Variants in SLC17A8 observed in about 807,000 individuals in gnomAD.
The protein encoded by SLC17A8 is solute carrier family 17 member 8.
In SLC17A8, 31 loss-of-function variants were observed where a neutral mutation model predicts 58.0. The observed-to-expected ratio is 0.53, with a 90% CI of 0.40 to 0.72. The LOEUF (loss-of-function observed/expected upper bound fraction) is 0.72. Ranked by LOEUF, SLC17A8 falls within the 30% of genes least tolerant of loss-of-function variation. SLC17A8 has a pLI of 0.00. For synonymous variants in SLC17A8, 228 were observed against 249.0 expected, an observed-to-expected ratio of 0.92 and a Z score of 0.79; for missense variants, 655 against 727.8, an observed-to-expected ratio of 0.90 and a Z score of 1.15.
chr12:100,395,974 C>T (rs7971272), intron 4 of SLC17A8, among the ~76,000 whole-genome samples: 2 of 152,204 alleles, frequency 1.3e-5, no homozygotes, highest in Non-Finnish European at 2.9e-5. Flanking sequence ...GCTGGCAGAT[C>T]GGTGACTTGG....
At chr12:100,409,292 T>A (rs1952850056) in intron 9 of SLC17A8, among the ~76,000 whole-genome samples, 1 of 152,102 alleles carries the variant, frequency 6.6e-6, no homozygotes, top group Non-Finnish European at 1.5e-5. Flanking sequence ...TTCAAGTGAT[T>A]CTCCCGCCTC....
At chr12:100,397,711 G>A (rs1018330128) in intron 5 of SLC17A8, among the ~76,000 whole-genome samples, 3 of 152,168 alleles carry the variant, frequency 2.0e-5, no homozygotes, top group Non-Finnish European at 4.4e-5. Context: ...GGGAGGCTGA[G>A]GTGGAGGATT....
chr12:100,393,064 G>C (rs555063036), intron 3 of SLC17A8, among the ~76,000 whole-genome samples: 8 of 152,268 alleles, frequency 5.3e-5, no homozygotes, highest in African/African-American at 1.7e-4. Context: ...AGTCTAGCTT[G>C]GGGTGCACTA....
chr12:100,376,166 A>G (rs1387106579), intron 1 of SLC17A8, among the ~76,000 whole-genome samples: 1 of 152,204 alleles, frequency 6.6e-6, no homozygotes, highest in Non-Finnish European at 1.5e-5. Flanking sequence ...TGAAACCTGG[A>G]TCTCAGATTT....
At chr12:100,407,910 T>C (rs1952838351) in intron 9 of SLC17A8, among the ~76,000 whole-genome samples, 1 of 152,208 alleles carries the variant, frequency 6.6e-6, no homozygotes, top group African/African-American at 2.4e-5. Flanking sequence ...CCGGCCATTC[T>C]TTTATATTTT....
intron 8 of SLC17A8, among the ~76,000 whole-genome samples, chr12:100,403,294 C>T (rs1349726023): frequency 2.6e-5 from 4 of 151,756 alleles, no homozygotes; most frequent in Admixed American, 6.6e-5. Context: ...CATGGCAAAA[C>T]CCTGCCTCTA....
chr12:100,365,480 T>G (rs1952513677), intron 1 of SLC17A8, among the ~76,000 whole-genome samples: 1 of 152,194 alleles, frequency 6.6e-6, no homozygotes, highest in African/African-American at 2.4e-5. Flanking sequence ...CATTTTCTTG[T>G]TTTTGGATTT....
At chr12:100,365,705 C>A (rs138740803) in intron 1 of SLC17A8, among the ~76,000 whole-genome samples, 2,420 of 152,282 alleles carry the variant, frequency 0.016, 30 homozygotes, top group Non-Finnish European at 0.024. Context: ...ACTTCGCCCA[C>A]GTGATGGACC....
intron 1 of SLC17A8, among the ~76,000 whole-genome samples, chr12:100,374,922 C>G (rs1302701589): frequency 2.0e-5 from 3 of 151,954 alleles, no homozygotes; most frequent in Non-Finnish European, 2.9e-5. Context: ...TTCAGGTCAG[C>G]CAGCTGTAGG....
At chr12:100,394,080 A>G (rs1952735122) in intron 4 of SLC17A8, among the ~76,000 whole-genome samples, 2 of 152,208 alleles carry the variant, frequency 1.3e-5, no homozygotes, top group African/African-American at 4.8e-5. Flanking sequence ...GTGCCATTAA[A>G]TATTACTCTT....
intron 2 of SLC17A8, among the ~76,000 whole-genome samples, chr12:100,382,243 TC>T (rs1952642963): frequency 6.6e-6 from 1 of 152,188 alleles, no homozygotes; most frequent in South Asian, 2.1e-4. Context: ...TCCAGATTGT[TC>T]ACTGCCCCAT....
chr12:100,416,922 G>A (rs1406408346), intron 10 of SLC17A8, among the ~76,000 whole-genome samples: 1 of 152,186 alleles, frequency 6.6e-6, no homozygotes, highest in Non-Finnish European at 1.5e-5. Context: ...CAGAACTGAG[G>A]TCTGTCTGAT....
intron 2 of SLC17A8, among the ~76,000 whole-genome samples, chr12:100,385,233 ATTTTTTTTT>A (rs397850732): frequency 1.9e-5 from 2 of 106,696 alleles, no homozygotes; most frequent in African/African-American, 3.8e-5. Flanking sequence ...TGTCTTAAAC[ATTTTTTTTT>A]TTTTTTTTTT....
chr12:100,357,611 A>G (rs1952456431), intron 1 of SLC17A8, 119 bp downstream of exon 1: 1 of 735,698 alleles, frequency 1.4e-6, no homozygotes, highest in Non-Finnish European at 2.4e-6. Flanking sequence ...GGGTCAGATT[A>G]GATCCTTCTG....
intron 10 of SLC17A8, among the ~76,000 whole-genome samples, chr12:100,417,376 TA>T (rs1952914106): frequency 6.6e-6 from 1 of 152,238 alleles, no homozygotes; most frequent in Non-Finnish European, 1.5e-5. Context: ...AAGTGAATAG[TA>T]ATATTATCCT....
At chr12:100,392,644 C>G (rs948450610) in intron 3 of SLC17A8, among the ~76,000 whole-genome samples, 3 of 152,126 alleles carry the variant, frequency 2.0e-5, no homozygotes, top group Admixed American at 1.3e-4. Flanking sequence ...CACACATAAT[C>G]TAATTTCCCA....
rs183887284 is a variant in SLC17A8, at chr12:100,400,815, G to C, written c.677-962G>C. On this transcript the variant is annotated intron_variant, in intron 5 of 11. Coordinates refer to ENST00000323346, the MANE Select transcript of SLC17A8 (RefSeq NM_139319.3). ...TACCAGACGTCCAGAGGATAGCAGA[G>C]GTCAGCTCACTGCCTCTAGTCACAA... Among the ~76,000 whole-genome samples, 525 of 152,020 alleles carry C rather than the reference G, an allele frequency of 3.5e-3. 8 individuals are homozygous for C. The highest frequency in any genetic ancestry group is 6.3e-4 in the Non-Finnish European group (43 of 67,994).
At chr12:100,389,608 T>G (rs1536463) in intron 2 of SLC17A8, among the ~76,000 whole-genome samples, 5,841 of 150,696 alleles carry the variant, frequency 0.039, 140 homozygotes, top group Middle Eastern at 0.063. Context: ...ATTATATATA[T>G]ATAGAGAGAG....
At chr12:100,389,804 GTATTATTAT>G (rs144239177) in intron 2 of SLC17A8, among the ~76,000 whole-genome samples, 7 of 142,418 alleles carry the variant, frequency 4.9e-5, no homozygotes, top group African/African-American at 7.8e-5. Flanking sequence ...GGCTAGATTT[GTATTATTAT>G]TATTATTATT....
Sources: allele counts gnomAD v4.1 joint callset (sites outside exome capture counted in the v4.1 genomes callset), GRCh38; gene constraint gnomAD v4.1.1; transcripts MANE v1.5; gene names NCBI Gene and HGNC (gene_info 2026-07-23, HGNC 2026-07-21).